MACC1: variants seen among roughly 807,000 people sequenced by gnomAD.
MACC1 encodes MET transcriptional regulator MACC1.
Under a neutral mutation model 70.7 loss-of-function variants are expected in MACC1, and 79 were observed. The observed-to-expected ratio is 1.12, with a 90% CI of 0.93 to 1.35. The LOEUF is 1.35. Ranked by LOEUF, MACC1 falls within the 40% of genes most tolerant of loss-of-function variation. The pLI, the probability that MACC1 is intolerant of heterozygous loss-of-function variation, is 0.00. For synonymous variants in MACC1, 361 were observed against 347.2 expected (o/e 1.04, Z -0.44); for missense variants, 1,106 against 978.1 (o/e 1.13, Z -1.74).
At chr7:20,200,447 T>C (rs1782817738) in intron 1 of MACC1, among the ~76,000 whole-genome samples, 1 of 152,244 alleles carries the variant, frequency 6.6e-6, no homozygotes, top group Non-Finnish European at 1.5e-5. Context: ...CAGTATTTCC[T>C]ACCAATTTAC....
intron 6 of MACC1, among the ~76,000 whole-genome samples, chr7:20,144,082 C>A (rs564532677): frequency 3.9e-5 from 6 of 152,224 alleles, no homozygotes; most frequent in African/African-American, 1.4e-4. Flanking sequence ...TAGCTCTCAA[C>A]AAAGATGATA....
chr7:20,188,851 G>A (rs572209438), intron 1 of MACC1, among the ~76,000 whole-genome samples: 2 of 152,290 alleles, frequency 1.3e-5, no homozygotes, highest in South Asian at 2.1e-4. Context: ...TGGGTCATAT[G>A]ACTTGTCTGT....
At chr7:20,171,728 CCCA>C (rs1348748714) in intron 1 of MACC1, among the ~76,000 whole-genome samples, 2 of 151,982 alleles carry the variant, frequency 1.3e-5, no homozygotes, top group African/African-American at 4.8e-5. Context: ...ATTACAGATG[CCCA>C]CCACCACGCC....
At chr7:20,169,890 G>A (rs1417605791) in intron 2 of MACC1, among the ~76,000 whole-genome samples, 1 of 152,168 alleles carries the variant, frequency 6.6e-6, no homozygotes, top group Non-Finnish European at 1.5e-5. Context: ...TTTTCCTCTG[G>A]TCTCTCCCTC....
chr7:20,169,551 G>T (rs536910866), intron 2 of MACC1, among the ~76,000 whole-genome samples: 4 of 152,312 alleles, frequency 2.6e-5, no homozygotes, highest in East Asian at 1.9e-4. Context: ...TCTCTGCAAA[G>T]CTCCACTGCT....
intron 1 of MACC1, among the ~76,000 whole-genome samples, chr7:20,191,693 G>A (rs1012922883): frequency 5.9e-5 from 9 of 152,250 alleles, no homozygotes; most frequent in African/African-American, 9.6e-5. Flanking sequence ...GCTTTCTCTC[G>A]TCTTCATTTT....
chr7:20,147,733 C>A (rs1402091610), intron 6 of MACC1, among the ~76,000 whole-genome samples: 1 of 152,138 alleles, frequency 6.6e-6, no homozygotes, highest in African/African-American at 2.4e-5. Flanking sequence ...TTGAGGACAA[C>A]CAGCTAAATT....
Position 20,158,568 on chromosome 7 carries a change from T to A in MACC1, c.1793A>T (p.Tyr598Phe), listed in dbSNP as rs761433129. The change falls in exon 5 of 7, where the codon TAT becomes TTT. Residue 598 changes from tyrosine to phenylalanine, a missense_variant. By Grantham distance (22) the Tyr-to-Phe change is conservative (BLOSUM62 3). Transcript: ENST00000400331. ...AIGQSKVKEWYVGVLRGKIGL... is the reference protein window; with the variant it reads ...AIGQSKVKEWFVGVLRGKIGL... ...AATCTTACCTCTGAGGACTCCTACA[T>A]ACCATTCTTTCACTTTGGACTGACC... 1.2e-6 allele frequency: 2 copies of A among 1,614,050 alleles called. No homozygotes were observed. The highest frequency in any genetic ancestry group is 2.2e-5 in the East Asian group (1 of 44,878).
At chr7:20,169,556 A>G (rs1350122823) in intron 2 of MACC1, among the ~76,000 whole-genome samples, 1 of 152,182 alleles carries the variant, frequency 6.6e-6, no homozygotes, top group Non-Finnish European at 1.5e-5. Flanking sequence ...GCAAAGCTCC[A>G]CTGCTTCCTA....
intron 6 of MACC1, among the ~76,000 whole-genome samples, chr7:20,149,676 G>A (rs1781946119): frequency 6.6e-6 from 1 of 151,802 alleles, no homozygotes; most frequent in South Asian, 2.1e-4. Context: ...TAATTAGTAA[G>A]GTGAACTCTC....
At chr7:20,149,437 C>T (rs74865962) in intron 6 of MACC1, among the ~76,000 whole-genome samples, 3 of 152,278 alleles carry the variant, frequency 2.0e-5, no homozygotes, top group Non-Finnish European at 4.4e-5. Flanking sequence ...TTTATTATCT[C>T]ATTTGATCTT....
intron 1 of MACC1, among the ~76,000 whole-genome samples, chr7:20,174,663 T>A (rs1482013720): frequency 6.6e-6 from 1 of 152,088 alleles, no homozygotes; most frequent in Middle Eastern, 3.2e-3. Context: ...AAATGGCATT[T>A]CCCTATTCAC....
rs1161815933 is a variant in MACC1, at chr7:20,158,606, C to G, written c.1755G>C (p.Lys585Asn). The change falls in exon 5 of 7, where the codon AAG (lysine) becomes AAC (asparagine). Residue 585 changes from lysine (K) to asparagine (N), a missense_variant. Physicochemically the swap from Lys to Asn is moderately conservative, Grantham distance 94. Transcript: ENST00000400331. ...GDTIALLGEG[K>N]VKAIGQSKVK... ...CTTTGGACTGACCAATAGCTTTTACCTTACCTTCCCCGAGGAGAGCTATTG... is the reference window on the plus strand; with the variant it reads ...CTTTGGACTGACCAATAGCTTTTACGTTACCTTCCCCGAGGAGAGCTATTG... 5 of 1,613,978 alleles carry G rather than the reference C, an allele frequency of 3.1e-6. No individual in the cohort carries two copies. The highest frequency in any genetic ancestry group is 1.6e-4 in the Middle Eastern group (1 of 6,062).
chr7:20,159,716 A>C lies in MACC1; in HGVS notation c.645T>G (p.Ala215=). Residue 215 remains alanine (A), a synonymous_variant, in exon 5 of 7, where the codon GCT becomes GCG. Transcript: ENST00000400331. ...ACCCTCCTTGATGGTTTACTTTGCA[A>C]GCTATGGTGACCTCCGCAAGTTGTG... is the stretch of plus-strand genomic sequence containing the variant. ...AQTQLAEVTI[A]CKVNHQGGSV... 1 of 1,614,170 alleles carries C rather than the reference A, an allele frequency of 6.2e-7. No individual in the cohort carries two copies. The highest frequency in any genetic ancestry group is 8.5e-7 in the Non-Finnish European group (1 of 1,180,030).
chr7:20,175,278 A>G (rs1782374007), intron 1 of MACC1, among the ~76,000 whole-genome samples: 1 of 152,128 alleles, frequency 6.6e-6, no homozygotes, highest in African/African-American at 2.4e-5. Context: ...CATTATTCCA[A>G]CAACCATTAA....
intron 1 of MACC1, among the ~76,000 whole-genome samples, chr7:20,209,930 G>A (rs1004182690): frequency 3.3e-5 from 5 of 152,080 alleles, no homozygotes; most frequent in African/African-American, 7.2e-5. Context: ...ATAATTGTCC[G>A]GCATTTTCCC....
At chr7:20,202,553 G>C (rs1782848023) in intron 1 of MACC1, among the ~76,000 whole-genome samples, 1 of 152,138 alleles carries the variant, frequency 6.6e-6, no homozygotes, top group Admixed American at 6.5e-5. Context: ...CTATTAAGTA[G>C]TAATAATAAT....
At chr7:20,176,245 G>A (rs1469905395) in intron 1 of MACC1, among the ~76,000 whole-genome samples, 1 of 151,914 alleles carries the variant, frequency 6.6e-6, no homozygotes, top group African/African-American at 2.4e-5. Flanking sequence ...ACATCATGTT[G>A]CGCATCTTAA....
intron 1 of MACC1, among the ~76,000 whole-genome samples, chr7:20,207,701 A>C (rs1782933160): frequency 6.6e-6 from 1 of 152,234 alleles, no homozygotes; most frequent in Non-Finnish European, 1.5e-5. Context: ...AAATGAGCAA[A>C]ATTTAAACTT....
Sources: allele counts gnomAD v4.1 joint callset (sites outside exome capture counted in the v4.1 genomes callset), GRCh38; gene constraint gnomAD v4.1.1; transcripts MANE v1.5; gene names NCBI Gene and HGNC (gene_info 2026-07-23, HGNC 2026-07-21).